Variants in FSIP1 observed in about 807,000 individuals in gnomAD.
The protein encoded by FSIP1 is fibrous sheath interacting protein 1.
FSIP1 carries 65 observed loss-of-function variants against 60.9 expected under a neutral mutation model. That is an observed-to-expected ratio of 1.07 (90% CI 0.87 to 1.31). FSIP1 has a LOEUF of 1.31. Among genes scored for constraint, FSIP1 ranks in the 40% most tolerant of loss-of-function variants. FSIP1 has a pLI of 0.00. For synonymous variants in FSIP1, 209 were observed against 221.2 expected (o/e 0.94, Z 0.49); for missense variants, 675 against 665.5 (o/e 1.01, Z -0.16).
At chr15:39,739,309 A>C (rs1052197613) in intron 7 of FSIP1, among the ~76,000 whole-genome samples, 11 of 151,562 alleles carry the variant, frequency 7.3e-5, no homozygotes, top group Admixed American at 2.0e-4. Context: ...CTCATTACTT[A>C]AAAAAAAACA....
intron 10 of FSIP1, among the ~76,000 whole-genome samples, chr15:39,655,948 T>C (rs973782586): frequency 9.2e-5 from 14 of 152,056 alleles, no homozygotes; most frequent in Non-Finnish European, 1.5e-5. Context: ...TTAAAAGAAG[T>C]GTTCAGGAAG....
At position 39,770,600 on chromosome 15, in the gene FSIP1, G is replaced by T. The variant is rs1435424775; in HGVS notation, c.137C>A (p.Ala46Glu). The change falls in exon 3 of 12, where the codon GCA (alanine) becomes GAA (glutamate). Residue 46 changes from alanine to glutamate, a missense_variant. Ala to Glu is a moderately radical substitution (Grantham distance 107, BLOSUM62 -1). Transcript: ENST00000350221. ...CTCTTTACCAGAGTTCAAGTTGCTT[G>T]CAGTATCGACCTAAAAATAATTTCA... Reference protein sequence around the residue: ...TEPGSFKVDTASNLNSGKEDH... With the variant: ...TEPGSFKVDTESNLNSGKEDH... 6.6e-7 allele frequency: 1 copy of T among 1,510,070 alleles called. No homozygotes were observed. The highest frequency in any genetic ancestry group is 8.8e-7 in the Non-Finnish European group (1 of 1,131,342). 93.5% of individuals were successfully genotyped at this position (1,510,070 alleles called of 1,614,324 possible).
At chr15:39,764,861 G>A (rs1196461058) in intron 4 of FSIP1, among the ~76,000 whole-genome samples, 1 of 152,132 alleles carries the variant, frequency 6.6e-6, no homozygotes, top group Non-Finnish European at 1.5e-5. Context: ...CTAACCAGAG[G>A]GTTAAACTGT....
chr15:39,743,964 T>C (rs1284347210), intron 5 of FSIP1, among the ~76,000 whole-genome samples: 1 of 152,224 alleles, frequency 6.6e-6, no homozygotes, highest in Non-Finnish European at 1.5e-5. Flanking sequence ...AATAATGTAA[T>C]GCATAGCCTG....
At chr15:39,779,758 T>C (rs4924392) in intron 1 of FSIP1, among the ~76,000 whole-genome samples, 22,833 of 152,218 alleles carry the variant, frequency 0.15, 2,071 homozygotes, top group Admixed American at 0.27. Flanking sequence ...GATTAAAGTT[T>C]TTCATAGAGG....
chr15:39,638,816 A>ATGTGTGTGTGTGTGCGCG (rs112516658), intron 10 of FSIP1, among the ~76,000 whole-genome samples: 6,263 of 151,398 alleles, frequency 0.041, 188 homozygotes, highest in Middle Eastern at 0.085. Flanking sequence ...GTGTGGGTGC[A>ATGTGTGTGTGTGTGCGCG]TGTGTGTGTG....
At chr15:39,757,991 A>T (rs1045738576) in intron 5 of FSIP1, among the ~76,000 whole-genome samples, 2 of 152,116 alleles carry the variant, frequency 1.3e-5, no homozygotes, top group African/African-American at 4.8e-5. Context: ...TAAAACAATG[A>T]TTCTCTCTTA....
rs183616129 is a variant in FSIP1, at chr15:39,670,043, C to T, written c.1188+43401G>A. 3.1e-3 allele frequency among the ~76,000 whole-genome samples: 467 copies of T among 152,234 alleles called. 4 individuals carry two copies. The highest frequency in any genetic ancestry group is 5.0e-3 in the Non-Finnish European group (339 of 68,026). ...GCTTATAGCCAACACTACAATTTTACTTTTATCTAAATCTGGAGGTAATGT... is the reference window on the plus strand; with the variant it reads ...GCTTATAGCCAACACTACAATTTTATTTTTATCTAAATCTGGAGGTAATGT... On this transcript the variant is annotated intron_variant, in intron 10 of 11. Coordinates refer to ENST00000350221, the MANE Select transcript of FSIP1 (RefSeq NM_152597.5).
At chr15:39,724,551 C>T (rs1896116588) in intron 9 of FSIP1, among the ~76,000 whole-genome samples, 1 of 152,168 alleles carries the variant, frequency 6.6e-6, no homozygotes, top group Admixed American at 6.6e-5. Flanking sequence ...TGCGCCTGGC[C>T]CATATTCATA....
chr15:39,700,631 A>G (rs1895019904), intron 10 of FSIP1, among the ~76,000 whole-genome samples: 1 of 152,228 alleles, frequency 6.6e-6, no homozygotes, highest in South Asian at 2.1e-4. Flanking sequence ...CTACAAACAT[A>G]TGAAGGGATG....
chr15:39,726,240 T>C (rs889436165), intron 9 of FSIP1, among the ~76,000 whole-genome samples: 1 of 152,134 alleles, frequency 6.6e-6, no homozygotes, highest in East Asian at 1.9e-4. Flanking sequence ...ACAATGGCTG[T>C]CATTGCTAAT....
chr15:39,641,099 A>G (rs1239899333), intron 10 of FSIP1, among the ~76,000 whole-genome samples: 1 of 152,242 alleles, frequency 6.6e-6, no homozygotes, highest in Non-Finnish European at 1.5e-5. Flanking sequence ...TACTGAATAT[A>G]AAGATCTATT....
chr15:39,730,258 C>T (rs1896353813), intron 8 of FSIP1, among the ~76,000 whole-genome samples: 1 of 152,120 alleles, frequency 6.6e-6, no homozygotes, highest in Admixed American at 6.5e-5. Flanking sequence ...CCTAGGATAT[C>T]CACAGATTAT....
chr15:39,684,615 T>C (rs76288048), intron 10 of FSIP1, among the ~76,000 whole-genome samples: 3,885 of 152,286 alleles, frequency 0.026, 162 homozygotes, highest in African/African-American at 0.089. Context: ...GAATGTCAAA[T>C]CCTAAAATAG....
chr15:39,778,687 T>G (rs1410131263), intron 1 of FSIP1, among the ~76,000 whole-genome samples: 1 of 152,214 alleles, frequency 6.6e-6, no homozygotes, highest in Non-Finnish European at 1.5e-5. Flanking sequence ...ATATTATGCC[T>G]TAATTATATT....
chr15:39,762,215 A>G (rs1440778566), intron 5 of FSIP1, among the ~76,000 whole-genome samples: 6 of 152,230 alleles, frequency 3.9e-5, no homozygotes, highest in African/African-American at 1.2e-4. Context: ...TATTCTCTAC[A>G]GTTCTACAAG....
intron 10 of FSIP1, among the ~76,000 whole-genome samples, chr15:39,646,299 A>G (rs866203581): frequency 2.5e-4 from 38 of 152,002 alleles, no homozygotes; most frequent in South Asian, 2.5e-3. Flanking sequence ...TTCACCCTTC[A>G]CTTGTCTGTG....
intron 8 of FSIP1, among the ~76,000 whole-genome samples, chr15:39,736,543 C>G (rs1485488385): frequency 6.6e-6 from 1 of 152,202 alleles, no homozygotes; most frequent in East Asian, 1.9e-4. Flanking sequence ...AGGATCCAGG[C>G]AGGCCTGGCC....
intron 6 of FSIP1, among the ~76,000 whole-genome samples, chr15:39,740,275 G>A (rs192372856): frequency 2.1e-4 from 32 of 150,314 alleles, no homozygotes; most frequent in Non-Finnish European, 4.1e-4. Flanking sequence ...GGGAGTTAGC[G>A]TCCCATGTCC....
Sources: gnomAD v4.1 joint callset for allele counts (sites outside exome capture counted in the v4.1 genomes callset) on GRCh38, gnomAD v4.1.1 for gene constraint, MANE v1.5 for transcripts, NCBI Gene and HGNC (gene_info 2026-07-23, HGNC 2026-07-21) for gene names.